Variants in DNAH11 observed in about 807,000 individuals in gnomAD.
The protein encoded by DNAH11 is dynein axonemal heavy chain 11.
Under a neutral mutation model 526.0 loss-of-function variants are expected in DNAH11, and 442 were observed. The observed-to-expected ratio is 0.84, with a 90% confidence interval of 0.78 to 0.91. DNAH11 has a LOEUF of 0.91. DNAH11 is among the 40% of genes least tolerant of loss of function. DNAH11 has a pLI of 0.00. For synonymous variants in DNAH11, 2,461 were observed against 1,935.9 expected, an observed-to-expected ratio of 1.27 and a Z score of -7.12; for missense variants, 6,989 against 5,448.7, an observed-to-expected ratio of 1.28 and a Z score of -8.90.
At chr7:21,726,035 A>G in intron 45 of DNAH11, 51 bp downstream of exon 45, 1 of 1,443,356 alleles carries the variant, frequency 6.9e-7, no homozygotes, top group Non-Finnish European at 9.2e-7. Flanking sequence ...ATATTGCTAT[A>G]AAAAATACCT....
At chr7:21,579,588 C>T (rs1417780664) in intron 8 of DNAH11, among the ~76,000 whole-genome samples, 2 of 152,062 alleles carry the variant, frequency 1.3e-5, no homozygotes, top group African/African-American at 4.8e-5. Flanking sequence ...GGCTTTGTGG[C>T]TGGATCTGAG....
At chr7:21,844,774 G>T (rs1362610972) in intron 66 of DNAH11, among the ~76,000 whole-genome samples, 5 of 152,180 alleles carry the variant, frequency 3.3e-5, no homozygotes, top group African/African-American at 1.2e-4. Context: ...GGAAATTCTG[G>T]TCCATGCTCA....
chr7:21,633,213 A>T (rs1254172377), intron 25 of DNAH11, among the ~76,000 whole-genome samples: 1 of 152,218 alleles, frequency 6.6e-6, no homozygotes, highest in East Asian at 1.9e-4. Context: ...GACACAGCCA[A>T]ACCATATCAC....
chr7:21,751,726 G>C (rs555814717), intron 54 of DNAH11, among the ~76,000 whole-genome samples: 1 of 152,136 alleles, frequency 6.6e-6, no homozygotes, highest in African/African-American at 2.4e-5. Context: ...CCAACATTCT[G>C]CTATTTCAAG....
rs536171782 is a variant in DNAH11 at position 21,646,144 on chromosome 7, A to G, written c.4944+7079A>G. On this transcript the variant is annotated intron_variant, in intron 28 of 81. Coordinates refer to ENST00000409508, the MANE Select transcript of DNAH11 (RefSeq NM_001277115.2). ...GGCAGAATACTTAGTTCACAAAAAAAAGATGGAATGGCTAGTAAACATAAG... is the reference window on the plus strand; with the variant it reads ...GGCAGAATACTTAGTTCACAAAAAAGAGATGGAATGGCTAGTAAACATAAG... Among the ~76,000 whole-genome samples, 3 of 152,314 alleles carry G rather than the reference A, an allele frequency of 2.0e-5. No individual in the cohort carries two copies. The East Asian group carries it at 5.8e-4, about 29-fold the overall frequency.
intron 54 of DNAH11, among the ~76,000 whole-genome samples, chr7:21,760,560 C>A (rs1489748014): frequency 6.6e-6 from 1 of 152,178 alleles, no homozygotes; most frequent in Non-Finnish European, 1.5e-5. Flanking sequence ...TACCTTGATA[C>A]TTAGATTTTG....
At chr7:21,828,872 C>T (rs562552588) in intron 65 of DNAH11, among the ~76,000 whole-genome samples, 5 of 150,414 alleles carry the variant, frequency 3.3e-5, no homozygotes, top group South Asian at 2.1e-4. Context: ...CTTAGAAGGG[C>T]GTGTTGGTTA....
intron 44 of DNAH11, among the ~76,000 whole-genome samples, chr7:21,725,181 G>C (rs1703285645): frequency 6.6e-6 from 1 of 152,310 alleles, no homozygotes; most frequent in East Asian, 1.9e-4. Flanking sequence ...TCCCTATGCA[G>C]TTTTCAGCTG....
At chr7:21,550,156 A>G (rs936111459) in intron 2 of DNAH11, among the ~76,000 whole-genome samples, 3 of 151,768 alleles carry the variant, frequency 2.0e-5, no homozygotes, top group Non-Finnish European at 4.4e-5. Context: ...TTTTTTTTAA[A>G]CCACTCCCTT....
At chr7:21,657,780 AG>A (rs1371177636) in intron 29 of DNAH11, among the ~76,000 whole-genome samples, 1 of 152,160 alleles carries the variant, frequency 6.6e-6, no homozygotes, top group African/African-American at 2.4e-5. Flanking sequence ...GCCAGAGGGA[AG>A]GCCCTTAAGA....
intron 65 of DNAH11, among the ~76,000 whole-genome samples, chr7:21,841,088 G>C (rs185353328): frequency 6.6e-6 from 1 of 152,196 alleles, no homozygotes; most frequent in African/African-American, 2.4e-5. Context: ...GGAGGCTGAG[G>C]CACAAGAATG....
intron 66 of DNAH11, among the ~76,000 whole-genome samples, chr7:21,847,953 C>T (rs1782479563): frequency 6.6e-6 from 1 of 152,018 alleles, no homozygotes; most frequent in South Asian, 2.1e-4. Flanking sequence ...ATCACGAGGT[C>T]AGGGGATCGA....
intron 76 of DNAH11, among the ~76,000 whole-genome samples, chr7:21,886,600 A>C (rs1277974249): frequency 6.6e-6 from 1 of 152,126 alleles, no homozygotes; most frequent in African/African-American, 2.4e-5. Flanking sequence ...AGTGCCAGGC[A>C]TGCGACCTTT....
intron 44 of DNAH11, among the ~76,000 whole-genome samples, chr7:21,724,409 T>C (rs1355453494): frequency 6.6e-6 from 1 of 152,218 alleles, no homozygotes; most frequent in East Asian, 1.9e-4. Flanking sequence ...TTATAGGCCA[T>C]AATCCAATGA....
At chr7:21,619,337 G>C in intron 24 of DNAH11, 115 bp downstream of exon 24, 1 of 1,252,352 alleles carries the variant, frequency 8.0e-7, no homozygotes, top group Non-Finnish European at 1.1e-6. Context: ...ATGAGTCCCA[G>C]TTTGTTCCCT....
In DNAH11 at chr7:21,684,821, G is replaced by A. The variant is rs150015888; in HGVS notation, c.5621+877G>A. 4.7e-3 allele frequency among the ~76,000 whole-genome samples: 710 copies of A among 152,304 alleles called. 3 individuals carry two copies. The highest frequency in any genetic ancestry group is 0.015 in the African/African-American group (644 of 41,578). ...GGAGATAAGAATATGTCACATTGAC[G>A]GGAATTTCTTTGTTAGTATTCCAAT... is the stretch of plus-strand genomic sequence containing the variant. On this transcript the variant is annotated intron_variant, in intron 32 of 81. Coordinates refer to ENST00000409508, the MANE Select transcript of DNAH11 (RefSeq NM_001277115.2).
At chr7:21,851,555 T>G (rs1782639124) in intron 66 of DNAH11, 1 of 471,440 alleles carries the variant, frequency 2.1e-6, no homozygotes, top group Admixed American at 2.3e-5. Flanking sequence ...GCTTATGTCA[T>G]AATGGTTACT....
At chr7:21,610,725 A>T (rs990738424) in intron 20 of DNAH11, among the ~76,000 whole-genome samples, 3 of 152,212 alleles carry the variant, frequency 2.0e-5, no homozygotes, top group Admixed American at 2.0e-4. Flanking sequence ...AAAAAATACA[A>T]CTCAGCAGAT....
intron 56 of DNAH11, among the ~76,000 whole-genome samples, chr7:21,777,545 G>C (rs1341210249): frequency 1.3e-5 from 2 of 152,110 alleles, no homozygotes; most frequent in Admixed American, 6.6e-5. Flanking sequence ...CAGTGTATGA[G>C]AGAGCCAGTT....
Sources: gnomAD v4.1 joint callset for allele counts (sites outside exome capture counted in the v4.1 genomes callset) on GRCh38, gnomAD v4.1.1 for gene constraint, MANE v1.5 for transcripts, NCBI Gene and HGNC (gene_info 2026-07-23, HGNC 2026-07-21) for gene names.